Variants in NRG3 observed in about 807,000 individuals in gnomAD.
NRG3 encodes the protein pro-neuregulin-3, membrane-bound isoform.
Under a neutral mutation model 66.9 loss-of-function variants are expected in NRG3, and 31 were observed. The ratio of observed to expected loss-of-function variants is 0.46; its 90% CI spans 0.35 to 0.63. NRG3 has a LOEUF of 0.63. Among genes scored for constraint, NRG3 ranks in the 20% least tolerant of loss-of-function variants. The pLI is 0.00. For missense variants in NRG3, 910 were observed against 878.9 expected (o/e 1.04, Z -0.45); for synonymous variants, 393 against 359.4 (o/e 1.09, Z -1.06).
chr10:82,043,621 T>A (rs971381958), intron 1 of NRG3, among the ~76,000 whole-genome samples: 17 of 151,976 alleles, frequency 1.1e-4, no homozygotes, highest in Non-Finnish European at 2.4e-4. Context: ...TCCTGTCACC[T>A]CCACACATGG....
At chr10:82,411,972 A>C (rs2088126731) in intron 2 of NRG3, among the ~76,000 whole-genome samples, 1 of 152,128 alleles carries the variant, frequency 6.6e-6, no homozygotes, top group Non-Finnish European at 1.5e-5. Context: ...ATTATAGGAA[A>C]AAGTTGATTC....
intron 1 of NRG3, among the ~76,000 whole-genome samples, chr10:82,154,055 A>C (rs968866696): frequency 4.6e-5 from 7 of 151,852 alleles, no homozygotes; most frequent in African/African-American, 1.7e-4. Context: ...TTTCTTTGCT[A>C]TGCAAAAAGT....
At chr10:82,917,966 G>GTATATATATATATATATA (rs1216370656) in intron 4 of NRG3, among the ~76,000 whole-genome samples, 7 of 92,296 alleles carry the variant, frequency 7.6e-5, no homozygotes, top group East Asian at 1.2e-3. Flanking sequence ...GTGTGTGTGT[G>GTATATATATATATATATA]TGTGTATATA....
At chr10:82,928,802 G>T (rs1416624493) in intron 4 of NRG3, among the ~76,000 whole-genome samples, 5 of 152,240 alleles carry the variant, frequency 3.3e-5, no homozygotes, top group Admixed American at 1.3e-4. Flanking sequence ...GCTGTAATCT[G>T]TGGAGCCTGA....
At chr10:82,074,421 G>A (rs1241166203) in intron 1 of NRG3, among the ~76,000 whole-genome samples, 2 of 152,192 alleles carry the variant, frequency 1.3e-5, no homozygotes, top group Non-Finnish European at 2.9e-5. Context: ...GTTTTGAGCC[G>A]AAATGTGACA....
chr10:82,487,625 T>G (rs1190035887), intron 2 of NRG3, among the ~76,000 whole-genome samples: 2 of 152,190 alleles, frequency 1.3e-5, no homozygotes, highest in Non-Finnish European at 2.9e-5. Context: ...TTGGGATTAT[T>G]TAGAAATGAC....
intron 1 of NRG3, among the ~76,000 whole-genome samples, chr10:82,215,963 C>CTTTTTTTTTT (rs71894841): frequency 1.2e-4 from 11 of 89,702 alleles, no homozygotes; most frequent in African/African-American, 1.9e-4. Context: ...TTATGTTTTC[C>CTTTTTTTTTT]TTTTTTTTTT....
chr10:82,240,435 A>G (rs971635705), intron 1 of NRG3, among the ~76,000 whole-genome samples: 2 of 152,202 alleles, frequency 1.3e-5, no homozygotes, highest in African/African-American at 2.4e-5. Context: ...TTTCCACTAA[A>G]TGATGGTTGC....
chr10:82,868,860 T>G (rs926999120), intron 4 of NRG3, among the ~76,000 whole-genome samples: 2 of 152,040 alleles, frequency 1.3e-5, no homozygotes, highest in African/African-American at 2.4e-5. Context: ...GCTCAACTAA[T>G]TTTTGTATTT....
chr10:81,935,950 A>G (rs891409627), intron 1 of NRG3, among the ~76,000 whole-genome samples: 2 of 151,190 alleles, frequency 1.3e-5, no homozygotes, highest in African/African-American at 4.9e-5. Flanking sequence ...AATGGTTAAA[A>G]TGTCAGCTCT....
intron 2 of NRG3, among the ~76,000 whole-genome samples, chr10:82,636,931 T>C (rs571842148): frequency 1.4e-4 from 21 of 151,878 alleles, no homozygotes; most frequent in African/African-American, 5.1e-4. Context: ...AATGGGGAGA[T>C]GTAGGTCAAA....
chr10:82,732,915 GT>G (rs1209014489), intron 2 of NRG3, among the ~76,000 whole-genome samples: 1 of 152,158 alleles, frequency 6.6e-6, no homozygotes, highest in Admixed American at 6.6e-5. Context: ...TGGAGGGTTT[GT>G]TCCTTTTTCA....
chr10:82,307,919 C>A (rs1029449337), intron 1 of NRG3, among the ~76,000 whole-genome samples: 10 of 150,932 alleles, frequency 6.6e-5, no homozygotes, highest in African/African-American at 2.4e-4. Context: ...GTTATTACTT[C>A]GTTAATTTAT....
chr10:82,448,650 C>A (rs1287429710), intron 2 of NRG3, among the ~76,000 whole-genome samples: 1 of 152,164 alleles, frequency 6.6e-6, no homozygotes, highest in Non-Finnish European at 1.5e-5. Flanking sequence ...TATTAGAATG[C>A]TCTCACCTCC....
At chr10:81,972,564 G>A (rs2059969553) in intron 1 of NRG3, among the ~76,000 whole-genome samples, 1 of 152,018 alleles carries the variant, frequency 6.6e-6, no homozygotes, top group Admixed American at 6.6e-5. Context: ...AAAAAAGTAA[G>A]TGAATTGGAA....
At chr10:82,982,125 T>G (rs529213154) in intron 8 of NRG3, among the ~76,000 whole-genome samples, 6 of 152,168 alleles carry the variant, frequency 3.9e-5, no homozygotes, top group African/African-American at 1.4e-4. Context: ...TGGCTGATGA[T>G]TTGTAAACGG....
chr10:82,495,594 C>A lies in NRG3; in HGVS notation c.953+136726C>A, dbSNP rs1213272762. ...GGGAAAGTTGGGCACGCCTAGCAGACAACATAGACTTTGTGGAATATCCTT... is the reference window on the plus strand; with the variant it reads ...GGGAAAGTTGGGCACGCCTAGCAGAAAACATAGACTTTGTGGAATATCCTT... On this transcript the variant is annotated intron_variant, in intron 2 of 8. Coordinates refer to ENST00000372141, the MANE Select transcript of NRG3 (RefSeq NM_001010848.4). 2.6e-5 allele frequency among the ~76,000 whole-genome samples: 4 copies of A among 152,048 alleles called. No homozygotes were observed. In the East Asian group the frequency reaches 7.7e-4, roughly 29 times the overall value.
chr10:82,558,955 T>C (rs1241232058), intron 2 of NRG3, among the ~76,000 whole-genome samples: 2 of 152,116 alleles, frequency 1.3e-5, no homozygotes, highest in Non-Finnish European at 2.9e-5. Context: ...ATTAAATATA[T>C]AAAAAACATA....
At chr10:82,887,709 C>T (rs1272186293) in intron 4 of NRG3, among the ~76,000 whole-genome samples, 1 of 152,190 alleles carries the variant, frequency 6.6e-6, no homozygotes, top group African/African-American at 2.4e-5. Flanking sequence ...ATGCCAGGCA[C>T]TGCACAAGCT....
Sources: allele counts gnomAD v4.1 joint callset (sites outside exome capture counted in the v4.1 genomes callset), GRCh38; gene constraint gnomAD v4.1.1; transcripts MANE v1.5; gene names NCBI Gene and HGNC (gene_info 2026-07-23, HGNC 2026-07-21).